HMCN2: variants seen among roughly 807,000 people sequenced by gnomAD.
HMCN2 encodes hemicentin-2.
In HMCN2, 325 loss-of-function variants were observed where a neutral mutation model predicts 377.5. That is an observed-to-expected ratio of 0.86 (90% CI 0.79 to 0.94). HMCN2 has a LOEUF of 0.94. Ranked by LOEUF, HMCN2 falls within the 40% of genes least tolerant of loss-of-function variation. HMCN2 has a pLI of 0.00. For synonymous variants in HMCN2, 2,007 were observed against 2,046.8 expected, an observed-to-expected ratio of 0.98 and a Z score of 0.53; for missense variants, 4,543 against 4,725.3, an observed-to-expected ratio of 0.96 and a Z score of 1.13.
Position 130,426,243 on chromosome 9 carries a change from C to T in HMCN2, c.13879+319C>T, listed in dbSNP as rs533502400. On this transcript the variant is annotated intron_variant, in intron 90 of 97. Transcript: ENST00000683500. ...ACTGAGTCACCCCGCCCTCTTCTCC[C>T]GAGGGCACCTGCACTGAGGCCACAC... Among the ~76,000 whole-genome samples the T allele has an allele frequency of 4.6e-5, 7 of 152,314 alleles. No individual in the cohort carries two copies. The East Asian group carries it at 1.4e-3, about 29-fold the overall frequency.
intron 95 of HMCN2, 189 bp from the exon 96 acceptor site, chr9:130,431,178 G>A: frequency 1.6e-6 from 1 of 623,242 alleles, no homozygotes; most frequent in Non-Finnish European, 2.8e-6. Context: ...GTAAGGTGGG[G>A]CTCCTCCCTC....
At chr9:130,296,536 G>T (rs1250607133) in intron 6 of HMCN2, 138 bp from the exon 7 acceptor site, 1 of 377,724 alleles carries the variant, frequency 2.6e-6, no homozygotes, top group East Asian at 7.4e-5. Context: ...TTGGGAGGAG[G>T]TAAGTTGCCC....
At chr9:130,282,456 A>G (rs1835171296) in intron 1 of HMCN2, among the ~76,000 whole-genome samples, 1 of 152,340 alleles carries the variant, frequency 6.6e-6, no homozygotes, top group African/African-American at 2.4e-5. Context: ...AGATCTGGCC[A>G]AGCTCCAAGG....
chr9:130,319,725 C>G (rs1340176861), intron 16 of HMCN2, 30 bp downstream of exon 16: 1 of 152,050 alleles, frequency 6.6e-6, no homozygotes, highest in African/African-American at 2.4e-5. Flanking sequence ...GGGGGGTGGG[C>G]AGGGAGACAG....
At chr9:130,368,241 C>T in intron 43 of HMCN2, 35 bp from the exon 44 acceptor site, 1 of 984,840 alleles carries the variant, frequency 1.0e-6, no homozygotes, top group East Asian at 1.1e-4. Flanking sequence ...CTTGCAAATG[C>T]CCTGGACCAG....
rs112161911 is a variant in HMCN2, at chr9:130,384,219, A to C, written c.8831-154A>C. 2.1e-3 allele frequency among the ~76,000 whole-genome samples: 322 copies of C among 152,308 alleles called. 2 individuals are homozygous for C. Among genetic ancestry groups the C allele is most frequent in the African/African-American group, 7.3e-3 (305 of 41,562 alleles). Reference sequence around the variant, plus strand: ...CCTACCCAGTGTCCTTCTGTGTAAGAGAGTCATGGCAAATGGAGGTTTCTG... The same window carrying C: ...CCTACCCAGTGTCCTTCTGTGTAAGCGAGTCATGGCAAATGGAGGTTTCTG... On this transcript the variant is annotated intron_variant, in intron 57 of 97. Coordinates refer to ENST00000683500, the MANE Select transcript of HMCN2 (RefSeq NM_001291815.2).
chr9:130,298,691 G>A (rs1178791913), intron 7 of HMCN2, among the ~76,000 whole-genome samples: 1 of 152,150 alleles, frequency 6.6e-6, no homozygotes, highest in Non-Finnish European at 1.5e-5. Flanking sequence ...ATTCCCTGAA[G>A]CCTGTCTGAT....
intron 1 of HMCN2, among the ~76,000 whole-genome samples, chr9:130,268,154 G>A (rs1834222738): frequency 6.6e-6 from 1 of 152,136 alleles, no homozygotes; most frequent in African/African-American, 2.4e-5. Flanking sequence ...GTGTCCTGAA[G>A]CCCAGACCAG....
intron 22 of HMCN2, among the ~76,000 whole-genome samples, chr9:130,335,866 T>C (rs1403327070): frequency 1.3e-5 from 2 of 152,186 alleles, no homozygotes; most frequent in Non-Finnish European, 2.9e-5. Flanking sequence ...CTGGAGGCGG[T>C]TCCGCAGCCA....
intron 3 of HMCN2, among the ~76,000 whole-genome samples, chr9:130,285,846 G>A (rs1265007343): frequency 6.6e-6 from 1 of 152,130 alleles, no homozygotes; most frequent in Non-Finnish European, 1.5e-5. Context: ...ACTTGCTTGG[G>A]TTCTTCAAGG....
chr9:130,390,654 T>G (rs752179917), intron 62 of HMCN2, among the ~76,000 whole-genome samples: 6 of 150,242 alleles, frequency 4.0e-5, no homozygotes, highest in Non-Finnish European at 7.4e-5. Flanking sequence ...GCAGAAACCT[T>G]GATAGACAGG....
rs891521929 is a variant in HMCN2 at position 130,346,130 on chromosome 9, G to A, written c.3830-1036G>A. Among the ~76,000 whole-genome samples, 247 of 152,242 alleles carry A rather than the reference G, an allele frequency of 1.6e-3. 1 individual carries two copies. The highest frequency in any genetic ancestry group is 5.4e-3 in the African/African-American group (226 of 41,532). ...TGACGTGCCGATCTGCAAGTGTGGG[G>A]ACCCCACAGGCTCCCCTGAGTCAGC... On this transcript the variant is annotated intron_variant, in intron 25 of 97. Transcript: ENST00000683500.
intron 7 of HMCN2, among the ~76,000 whole-genome samples, 171 bp from the exon 8 acceptor site, chr9:130,298,854 C>T (rs1554933074): frequency 6.6e-6 from 1 of 152,170 alleles, no homozygotes; most frequent in South Asian, 2.1e-4. Flanking sequence ...CCCTATCTAC[C>T]TATCCCACCC....
intron 90 of HMCN2, among the ~76,000 whole-genome samples, chr9:130,426,560 G>A (rs897169313): frequency 6.6e-6 from 1 of 152,108 alleles, no homozygotes; most frequent in Non-Finnish European, 1.5e-5. Context: ...GCCTTGCAGG[G>A]TGTCGCCGTA....
intron 25 of HMCN2, among the ~76,000 whole-genome samples, chr9:130,342,746 G>C (rs992209058): frequency 6.6e-6 from 1 of 152,168 alleles, no homozygotes; most frequent in Non-Finnish European, 1.5e-5. Flanking sequence ...GCATCTGGGG[G>C]TGTGATCGCC....
In HMCN2 at chr9:130,392,431, C is replaced by T. The variant is rs566143975; in HGVS notation, c.10136+313C>T. Among the ~76,000 whole-genome samples the T allele has an allele frequency of 5.3e-5, 8 of 152,140 alleles. No individual in the cohort carries two copies. In the East Asian group the frequency reaches 1.5e-3, roughly 29 times the overall value. On this transcript the variant is annotated intron_variant, in intron 66 of 97. Coordinates refer to ENST00000683500, the MANE Select transcript of HMCN2 (RefSeq NM_001291815.2). ...GCTGTGCCTGTCACTGGGGACTGGG[C>T]AAGAGCAGCTCAGGAGGAGTGGTTG...
At chr9:130,290,168 T>G (rs1211723904) in intron 4 of HMCN2, among the ~76,000 whole-genome samples, 1 of 152,212 alleles carries the variant, frequency 6.6e-6, no homozygotes, top group African/African-American at 2.4e-5. Flanking sequence ...GCTGGCTTAA[T>G]GAAGGCTCTC....
At chr9:130,397,006 C>G (rs1187474986) in intron 73 of HMCN2, among the ~76,000 whole-genome samples, 2 of 152,248 alleles carry the variant, frequency 1.3e-5, no homozygotes. Flanking sequence ...CTCTGACCCC[C>G]TGACCTTGGC....
In HMCN2 at chr9:130,395,198, A is replaced by T. The variant is rs1842549060; in HGVS notation, c.10775-13A>T. On this transcript the variant is annotated splice_polypyrimidine_tract_variant and intron_variant, in intron 70 of 97. Coordinates refer to ENST00000683500, the MANE Select transcript of HMCN2 (RefSeq NM_001291815.2). ...TCCCCCTCTCATATCCTCTTGTGCC[A>T]CCCCCTTCCCAGCCCCTCCAAACAT... 1 of 1,286,040 alleles carries T rather than the reference A, an allele frequency of 7.8e-7. No homozygotes were observed. The highest frequency in any genetic ancestry group is 5.6e-5 in the East Asian group (1 of 17,926). 79.7% of individuals were successfully genotyped at this position (1,286,040 alleles called of 1,614,324 possible). A position where few individuals can be genotyped will look rare whatever the true frequency, so the allele number is the denominator to read the frequency against.
Sources: gnomAD v4.1 joint callset for allele counts (sites outside exome capture counted in the v4.1 genomes callset) on GRCh38, gnomAD v4.1.1 for gene constraint, MANE v1.5 for transcripts, NCBI Gene and HGNC (gene_info 2026-07-23, HGNC 2026-07-21) for gene names.